SENP8: variants seen among roughly 807,000 people sequenced by gnomAD.
SENP8 encodes SUMO peptidase family member, NEDD8 specific, also known as sentrin-specific protease 8.
Under a neutral mutation model 14.4 loss-of-function variants are expected in SENP8, and 10 were observed. The ratio of observed to expected loss-of-function variants is 0.69; its 90% CI spans 0.43 to 1.18. The LOEUF (loss-of-function observed/expected upper bound fraction) is 1.18, where lower values mean the gene tolerates loss of function less well. Among genes scored for constraint, SENP8 ranks in the 50% most tolerant of loss-of-function variants. The pLI is 0.00. For missense variants in SENP8, 202 were observed against 249.4 expected (o/e 0.81, Z 1.28); for synonymous variants, 94 against 95.5 (o/e 0.98, Z 0.09).
At chr15:72,116,122 C>T (rs1167796836), upstream of SENP8, among the ~76,000 whole-genome samples, 2 of 152,118 alleles carry the variant, frequency 1.3e-5, no homozygotes, top group Non-Finnish European at 2.9e-5. Context: ...AAAGGATACA[C>T]ATGAAGCTGG....
chr15:72,128,529 T>G (rs2081241934), intron 1 of SENP8, among the ~76,000 whole-genome samples: 1 of 152,240 alleles, frequency 6.6e-6, no homozygotes, highest in Non-Finnish European at 1.5e-5. Context: ...TTCTGTGAGA[T>G]TCTCATATTT....
chr15:72,130,557 ATTTTTTTTT>A (rs11411490), intron 1 of SENP8, among the ~76,000 whole-genome samples: 3 of 106,164 alleles, frequency 2.8e-5, no homozygotes, highest in African/African-American at 1.1e-4. Flanking sequence ...ATGTTTTAGG[ATTTTTTTTT>A]TTTTTTTTTT....
upstream of SENP8, chr15:72,114,284 T>C (rs1311305742): frequency 6.6e-6 from 1 of 152,114 alleles, no homozygotes; most frequent in Non-Finnish European, 1.5e-5. Flanking sequence ...GTCAAGAGAA[T>C]GAACAGGAGG....
At chr15:72,119,212 G>A (rs1203712381) in intron 1 of SENP8, among the ~76,000 whole-genome samples, 1 of 152,146 alleles carries the variant, frequency 6.6e-6, no homozygotes, top group Non-Finnish European at 1.5e-5. Context: ...GAGGGTGAGG[G>A]AGGCTAATTT....
At chr15:72,118,309 C>A (rs943148662), upstream of SENP8, 1 of 236,500 alleles carries the variant, frequency 4.2e-6, no homozygotes, top group South Asian at 1.8e-4. Context: ...CTTCACCTTA[C>A]GGCAGAGCAG....
intron 1 of SENP8, among the ~76,000 whole-genome samples, chr15:72,119,420 AG>A (rs1397146728): frequency 6.6e-6 from 1 of 152,248 alleles, no homozygotes; most frequent in East Asian, 1.9e-4. Flanking sequence ...ACTAGAGAGA[AG>A]GAAGTTGAGA....
intron 1 of SENP8, among the ~76,000 whole-genome samples, chr15:72,136,521 A>G (rs2081328732): frequency 6.6e-6 from 1 of 151,876 alleles, no homozygotes; most frequent in African/African-American, 2.4e-5. Flanking sequence ...GTTGTTTCTC[A>G]AATAGTCAGA....
upstream of SENP8, among the ~76,000 whole-genome samples, chr15:72,116,044 A>G (rs748836323): frequency 3.2e-4 from 48 of 152,232 alleles, no homozygotes; most frequent in Admixed American, 1.3e-4. Flanking sequence ...AATGTAAAGT[A>G]TGCAACCATT....
rs577480171 is a variant in SENP8, at chr15:72,140,518, A to G, written c.*256A>G. 3.6e-5 allele frequency: 17 copies of G among 472,380 alleles called. No individual in the cohort carries two copies. The highest frequency in any genetic ancestry group is 3.3e-4 in the African/African-American group (17 of 51,062). 29.3% of individuals were successfully genotyped at this position (472,380 alleles called of 1,614,324 possible). A position where few individuals can be genotyped will look rare whatever the true frequency, so the allele number is the denominator to read the frequency against. ...TTACAACCAACTTATTTGAACATTT[A>G]TTACACACAGGGTTTACGTAAGACT... On this transcript the variant is annotated 3_prime_UTR_variant, in exon 2 of 2. Coordinates refer to ENST00000340912, the MANE Select transcript of SENP8 (RefSeq NM_145204.4).
intron 1 of SENP8, among the ~76,000 whole-genome samples, chr15:72,118,833 G>A (rs1175280857): frequency 6.6e-6 from 1 of 152,200 alleles, no homozygotes; most frequent in East Asian, 1.9e-4. Context: ...TGCACGGGAT[G>A]CTGTCTGCGC....
intron 1 of SENP8, among the ~76,000 whole-genome samples, chr15:72,119,191 GT>G (rs1254456524): frequency 2.0e-5 from 3 of 152,186 alleles, no homozygotes; most frequent in Admixed American, 2.0e-4. Context: ...AAACCGAGAA[GT>G]GGCCTCTTCG....
At position 72,141,973 on chromosome 15, in the gene SENP8, G is replaced by C. The variant is rs2140531262; in HGVS notation, c.*1711G>C. ...GACTATTAAAGTCAAATCCTCTCTG[G>C]GAAAAGTTATCTTTCTGACAATGCA... On this transcript the variant is annotated 3_prime_UTR_variant, in exon 2 of 2. Coordinates refer to ENST00000340912, the MANE Select transcript of SENP8 (RefSeq NM_145204.4). 1 of 152,174 alleles carries C rather than the reference G, an allele frequency of 6.6e-6. No homozygotes were observed. Among genetic ancestry groups the C allele is most frequent in the East Asian group, 1.9e-4 (1 of 5,178 alleles). The allele number at this position is 152,174 out of a possible 1,614,324, so 9.4% of individuals were successfully genotyped here.
chr15:72,130,565 T>TTC (rs1321774148), intron 1 of SENP8, among the ~76,000 whole-genome samples: 1 of 148,874 alleles, frequency 6.7e-6, no homozygotes, highest in Non-Finnish European at 1.5e-5. Context: ...GGATTTTTTT[T>TTC]TTTTTTTTTT....
chr15:72,117,477 T>C (rs2081034406), upstream of SENP8, among the ~76,000 whole-genome samples: 1 of 149,132 alleles, frequency 6.7e-6, no homozygotes, highest in African/African-American at 2.5e-5. Flanking sequence ...GCCGGAATGG[T>C]GCCCGGCCAA....
At chr15:72,117,343 C>A (rs1332015836), upstream of SENP8, among the ~76,000 whole-genome samples, 4 of 152,200 alleles carry the variant, frequency 2.6e-5, no homozygotes, top group Admixed American at 2.6e-4. Flanking sequence ...GTAATCACGT[C>A]AGCCCAAGGG....
intron 1 of SENP8, among the ~76,000 whole-genome samples, chr15:72,119,633 A>T (rs1012568825): frequency 1.3e-5 from 2 of 152,200 alleles, no homozygotes; most frequent in African/African-American, 4.8e-5. Flanking sequence ...CTGTAGTCCC[A>T]GCTACTCGGG....
Position 72,139,828 on chromosome 15 carries a change from G to A in SENP8, c.205G>A (p.Ala69Thr). Residue 69 changes from alanine to threonine, a missense_variant, in exon 2 of 2, where the codon GCA becomes ACA. By Grantham distance (58) the Ala-to-Thr change is moderately conservative. Transcript: ENST00000340912. Reference sequence around the variant, plus strand: ...GTTCATCAAGTGCACTAGCAACCCAGCAGAGATTGCCATGTTCCTTGAACC... The same window carrying A: ...GTTCATCAAGTGCACTAGCAACCCAACAGAGATTGCCATGTTCCTTGAACC... ...TQFIKCTSNPAEIAMFLEPLD... is the reference protein window; with the variant it reads ...TQFIKCTSNPTEIAMFLEPLD... 6.2e-7 allele frequency: 1 copy of A among 1,614,200 alleles called. No individual in the cohort carries two copies. The highest frequency in any genetic ancestry group is 8.5e-7 in the Non-Finnish European group (1 of 1,180,042).
chr15:72,139,409 G>A, intron 1 of SENP8, 168 bp from the exon 2 acceptor site: 1 of 554,012 alleles, frequency 1.8e-6, no homozygotes, highest in Non-Finnish European at 3.1e-6. Flanking sequence ...TGTCTCAGGG[G>A]TGGCAGAGGC....
At chr15:72,117,916 C>T (rs1384455449), upstream of SENP8, 1 of 398,554 alleles carries the variant, frequency 2.5e-6, no homozygotes, top group Admixed American at 4.4e-5. Flanking sequence ...CCGCCGCACC[C>T]CGCCCAGAGA....
Sources: gnomAD v4.1 joint callset for allele counts (sites outside exome capture counted in the v4.1 genomes callset) on GRCh38, gnomAD v4.1.1 for gene constraint, MANE v1.5 for transcripts, NCBI Gene and HGNC (gene_info 2026-07-23, HGNC 2026-07-21) for gene names.